ADGRL1: variants seen among roughly 807,000 people sequenced by gnomAD.
ADGRL1 encodes the protein CIRL-1.
A neutral mutation model predicts 148.9 loss-of-function variants in ADGRL1; 31 were observed. The ratio of observed to expected loss-of-function variants is 0.21; its 90% CI spans 0.16 to 0.28. The LOEUF is 0.28. ADGRL1 is among the 10% of genes least tolerant of loss of function. The probability of loss-of-function intolerance (pLI) is 1.00; values close to 1 mark genes in which losing one functional copy is unlikely to be tolerated. For missense variants in ADGRL1, 1,521 were observed against 2,058.8 expected, an observed-to-expected ratio of 0.74 and a Z score of 5.05; for synonymous variants, 937 against 900.3, an observed-to-expected ratio of 1.04 and a Z score of -0.73.
At chr19:14,174,929 A>G (rs1970716915) in intron 3 of ADGRL1, among the ~76,000 whole-genome samples, 1 of 148,682 alleles carries the variant, frequency 6.7e-6, no homozygotes, top group Non-Finnish European at 1.5e-5. Flanking sequence ...GAAGCCTCAA[A>G]CTCCCGGGCC....
In ADGRL1 at chr19:14,156,190, C is replaced by T. The variant is rs1968722935; in HGVS notation, c.3045G>A (p.Val1015=). 1 of 1,612,214 alleles carries T rather than the reference C, an allele frequency of 6.2e-7. No individual in the cohort carries two copies. Among genetic ancestry groups the T allele is most frequent in the African/African-American group, 1.3e-5 (1 of 75,004 alleles). The change falls in exon 17 of 23, where the codon GTG becomes GTA. Residue 1015 remains valine, a synonymous_variant. Transcript: ENST00000361434. The part of the protein sequence containing the change: ...PVSFVIVVNL[V]FLMVTLHKMI... ...TCTTGTGCAGGGTCACCATGAGGAACACCAGGTTGACCTGGGGGCGGGACA... is the reference window on the plus strand; with the variant it reads ...TCTTGTGCAGGGTCACCATGAGGAATACCAGGTTGACCTGGGGGCGGGACA...
At chr19:14,200,204 G>A (rs1207258100) in intron 1 of ADGRL1, among the ~76,000 whole-genome samples, 2 of 152,252 alleles carry the variant, frequency 1.3e-5, no homozygotes, top group African/African-American at 2.4e-5. Flanking sequence ...GGGCTGGACC[G>A]TGCCTATATG....
At position 14,163,291 on chromosome 19, in the gene ADGRL1, G is replaced by A. The variant is rs771575647; in HGVS notation, c.510C>T (p.Tyr170=). ...KDPLQAGDRI[Y]VMPWIPYRTD... Reference sequence around the variant, plus strand: ...TGCGGTAGGGGATCCAGGGCATCACGTAGATGCGGTCACCCGCCTGCAGCG... The same window carrying A: ...TGCGGTAGGGGATCCAGGGCATCACATAGATGCGGTCACCCGCCTGCAGCG... Residue 170 remains tyrosine, a synonymous_variant, in exon 5 of 23, where the codon TAC becomes TAT. Transcript: ENST00000361434. The A allele has an allele frequency of 9.3e-6, 15 of 1,613,530 alleles. No homozygotes were observed. The highest frequency in any genetic ancestry group is 5.3e-5 in the African/African-American group (4 of 74,942).
intron 1 of ADGRL1, among the ~76,000 whole-genome samples, chr19:14,196,850 C>A (rs1475266317): frequency 6.6e-6 from 1 of 152,136 alleles, no homozygotes; most frequent in Admixed American, 6.6e-5. Context: ...GCACGCCATG[C>A]ATTTTATTTG....
chr19:14,156,540 GGA>G (rs1175543677), intron 16 of ADGRL1, 116 bp downstream of exon 16: 380 of 750,152 alleles, frequency 5.1e-4, no homozygotes, highest in Non-Finnish European at 5.9e-4. Flanking sequence ...TCCGATGTGT[GGA>G]GAGAGAGAGA....
At chr19:14,158,598 C>A in intron 11 of ADGRL1, 46 bp from the exon 12 acceptor site, 2 of 1,505,528 alleles carry the variant, frequency 1.3e-6, no homozygotes, top group Non-Finnish European at 1.8e-6. Flanking sequence ...CCTCAGCTGG[C>A]GCACCTCCAT....
At position 14,155,488 on chromosome 19, in the gene ADGRL1, C is replaced by T. The variant is rs1262566283; in HGVS notation, c.3165G>A (p.Leu1055=). The change falls in exon 18 of 23, where the codon CTG becomes CTA. Residue 1055 remains leucine, a synonymous_variant. Coordinates refer to ENST00000361434, the MANE Select transcript of ADGRL1 (RefSeq NM_014921.5). This position sits in a 1 kb window ranked among gnomAD's most constrained non-coding sequence, Gnocchi z 5.0. ...ALGAIALLFL[L]GLTWAFGLLF... ...GGAGGCCGAAAGCCCAGGTGAGGCC[C>T]AGCAGGAACAGCAGCGCGATGGCCC... 1 of 1,613,794 alleles carries T rather than the reference C, an allele frequency of 6.2e-7. No individual in the cohort carries two copies. The highest frequency in any genetic ancestry group is 1.3e-5 in the African/African-American group (1 of 74,940).
At position 14,170,780 on chromosome 19, in the gene ADGRL1, C is replaced by T. The variant is rs753061583; in HGVS notation, c.296G>A (p.Arg99His). 4.5e-6 allele frequency: 7 copies of T among 1,563,024 alleles called. No homozygotes were observed. Among genetic ancestry groups the T allele is most frequent in the South Asian group, 4.5e-5 (4 of 89,816 alleles). ...GCCGGCGACCACCACGCACTGGGTG[C>T]GGTTGTTACACCTTCAGAGGAGAAA... The part of the protein sequence containing the change: ...FKIMSQRCNN[R>H]TQCVVVAGSD... Residue 99 changes from arginine to histidine, a missense_variant, in exon 4 of 23, where the codon CGC becomes CAC. Transcript: ENST00000361434.
Position 14,193,285 on chromosome 19 carries a change from A to AAAC in ADGRL1, c.-95-9589_-95-9588insGTT, listed in dbSNP as rs533790041. 4.5e-4 allele frequency among the ~76,000 whole-genome samples: 68 copies of AAAC among 151,006 alleles called. 1 individual carries two copies. In the East Asian group the frequency reaches 9.9e-3, roughly 22 times the overall value. ...GCCCCCACCGCCAAAAAAAAAAAAA[A>AAAC]AAAAAAAACTCAGGCTGGGCACAGT... On this transcript the variant is annotated intron_variant, in intron 1 of 22. Transcript: ENST00000361434.
rs1057285925 is a variant in ADGRL1 at position 14,157,477 on chromosome 19, G to A, written c.2536-17C>T. 1 of 1,612,928 alleles carries A rather than the reference G, an allele frequency of 6.2e-7. No individual in the cohort carries two copies. Among genetic ancestry groups the A allele is most frequent in the Non-Finnish European group, 8.5e-7 (1 of 1,179,484 alleles). On this transcript the variant is annotated splice_polypyrimidine_tract_variant and intron_variant, in intron 13 of 22. Coordinates refer to ENST00000361434, the MANE Select transcript of ADGRL1 (RefSeq NM_014921.5). This position sits in a 1 kb window ranked among gnomAD's most constrained non-coding sequence, Gnocchi z 7.5. Reference sequence around the variant, plus strand: ...GCCCTGGTACTGGGGACAGGAACAGGGGGCACGCTCAGGGCCTTTGGTTTT... The same window carrying A: ...GCCCTGGTACTGGGGACAGGAACAGAGGGCACGCTCAGGGCCTTTGGTTTT...
At chr19:14,153,100 C>T (rs1251921053) in intron 18 of ADGRL1, among the ~76,000 whole-genome samples, 188 bp from the exon 19 acceptor site, 1 of 152,210 alleles carries the variant, frequency 6.6e-6, no homozygotes, top group Admixed American at 6.5e-5. Context: ...AACAGCCAGC[C>T]GATCAGGTTT....
In ADGRL1 at chr19:14,177,762, G is replaced by A. The variant is rs144234872; in HGVS notation, c.71-18C>T. The A allele has an allele frequency of 1.3e-3, 2,014 of 1,602,602 alleles. 30 individuals carry two copies. The African/African-American group carries it at 0.024, about 19-fold the overall frequency. ...GCTCAGGCCTGCAGGGAGGGTTGGG[G>A]ATGGTGTCACTCCTGGGCCTGGGCC... On this transcript the variant is annotated intron_variant, in intron 2 of 22. Coordinates refer to ENST00000361434, the MANE Select transcript of ADGRL1 (RefSeq NM_014921.5).
Position 14,161,751 on chromosome 19 carries a change from C to A in ADGRL1, c.1196-125G>T. The A allele has an allele frequency of 1.5e-6, 1 of 656,898 alleles. No individual in the cohort carries two copies. The highest frequency in any genetic ancestry group is 2.3e-6 in the Non-Finnish European group (1 of 443,448). 40.7% of individuals were successfully genotyped at this position (656,898 alleles called of 1,614,324 possible). ...TACTGAAGTGGAAACACGTGCCGGG[C>A]CCCACTGGGTCTATGAGTTGATCTC... On this transcript the variant is annotated intron_variant, in intron 5 of 22. Transcript: ENST00000361434. This position sits in a 1 kb window ranked among gnomAD's most constrained non-coding sequence, Gnocchi z 4.4.
rs1969297224 is a variant in ADGRL1, at chr19:14,160,914, C to T, written c.1511-218G>A. On this transcript the variant is annotated intron_variant, in intron 6 of 22. Coordinates refer to ENST00000361434, the MANE Select transcript of ADGRL1 (RefSeq NM_014921.5). This position sits in a 1 kb window ranked among gnomAD's most constrained non-coding sequence, Gnocchi z 5.9. ...TCCCTCCTGCCCCCTTCTGTCTTTG[C>T]CTCCAGAGTTAGAACCTTCCAGCAA... 6.6e-6 allele frequency among the ~76,000 whole-genome samples: 1 copy of T among 152,180 alleles called. No homozygotes were observed. The highest frequency in any genetic ancestry group is 6.5e-5 in the Admixed American group (1 of 15,288).
chr19:14,155,566 G>A lies in ADGRL1; in HGVS notation c.3126-39C>T. Reference sequence around the variant, plus strand: ...GACAGGGGAGTCAAAGTACCCGCCGGAGGGGACGGCCTCAGCCCAGGCCTC... The same window carrying A: ...GACAGGGGAGTCAAAGTACCCGCCGAAGGGGACGGCCTCAGCCCAGGCCTC... On this transcript the variant is annotated intron_variant, in intron 17 of 22. Coordinates refer to ENST00000361434, the MANE Select transcript of ADGRL1 (RefSeq NM_014921.5). This position sits in a 1 kb window ranked among gnomAD's most constrained non-coding sequence, Gnocchi z 5.0. 1 of 1,607,448 alleles carries A rather than the reference G, an allele frequency of 6.2e-7. No individual in the cohort carries two copies. Among genetic ancestry groups the A allele is most frequent in the Non-Finnish European group, 8.5e-7 (1 of 1,177,470 alleles).
intron 1 of ADGRL1, among the ~76,000 whole-genome samples, chr19:14,185,930 T>C (rs887119625): frequency 6.6e-6 from 1 of 152,254 alleles, no homozygotes; most frequent in African/African-American, 2.4e-5. Context: ...GCCAACCCAC[T>C]GTCCACATGG....
At chr19:14,156,582 C>A in intron 16 of ADGRL1, 76 bp downstream of exon 16, 1 of 855,550 alleles carries the variant, frequency 1.2e-6, no homozygotes, top group South Asian at 1.6e-5. Context: ...GGGTGGGGGG[C>A]GGGGGCAGGG....
At chr19:14,182,532 G>A (rs1307652383) in intron 2 of ADGRL1, among the ~76,000 whole-genome samples, 1 of 152,224 alleles carries the variant, frequency 6.6e-6, no homozygotes, top group African/African-American at 2.4e-5. Flanking sequence ...CCAGGGGTAT[G>A]GCAGGGAGGC....
At chr19:14,169,497 G>A (rs1230257861) in intron 4 of ADGRL1, 1 of 152,260 alleles carries the variant, frequency 6.6e-6, no homozygotes, top group Non-Finnish European at 1.5e-5. Context: ...AGGAGCAGAT[G>A]GGCATCCCCC....
Sources: allele counts gnomAD v4.1 joint callset (sites outside exome capture counted in the v4.1 genomes callset), GRCh38; gene constraint gnomAD v4.1.1; non-coding constraint Gnocchi (gnomAD v3.1); transcripts MANE v1.5; gene names NCBI Gene and HGNC (gene_info 2026-07-23, HGNC 2026-07-21).